Variants in TSPAN9 observed in about 807,000 individuals in gnomAD.
TSPAN9 encodes tetraspanin 9.
TSPAN9 carries 16 observed loss-of-function variants against 31.0 expected under a neutral mutation model. That is an observed-to-expected ratio of 0.52 (90% CI 0.35 to 0.78). The LOEUF (loss-of-function observed/expected upper bound fraction) is 0.78. Ranked by LOEUF, TSPAN9 falls within the 30% of genes least tolerant of loss-of-function variation. TSPAN9 has a pLI of 0.01. For synonymous variants in TSPAN9, 145 were observed against 121.6 expected (o/e 1.19, Z -1.27); for missense variants, 272 against 312.5 (o/e 0.87, Z 0.98).
intron 3 of TSPAN9, among the ~76,000 whole-genome samples, chr12:3,263,847 T>C (rs370784390): frequency 6.6e-6 from 1 of 152,122 alleles, no homozygotes; most frequent in Non-Finnish European, 1.5e-5. Flanking sequence ...CAGCTGGGCC[T>C]TGATGGCTCT....
At chr12:3,198,473 C>T (rs1219381539) in intron 2 of TSPAN9, among the ~76,000 whole-genome samples, 9 of 108,214 alleles carry the variant, frequency 8.3e-5, no homozygotes, top group South Asian at 2.9e-4. Flanking sequence ...CCAGCACAGG[C>T]CACCACCAGC....
intron 3 of TSPAN9, among the ~76,000 whole-genome samples, chr12:3,232,480 C>T (rs956246103): frequency 1.3e-5 from 2 of 152,214 alleles, no homozygotes; most frequent in Non-Finnish European, 2.9e-5. Context: ...TTTCCGTCTC[C>T]TGCCTTCTGC....
intron 2 of TSPAN9, among the ~76,000 whole-genome samples, chr12:3,095,835 G>A (rs2098308279): frequency 1.4e-5 from 2 of 145,568 alleles, no homozygotes; most frequent in South Asian, 2.3e-4. Flanking sequence ...GGGCGGAGAC[G>A]CTCCTCACTT....
intron 2 of TSPAN9, among the ~76,000 whole-genome samples, chr12:3,169,877 A>AG (rs1488316500): frequency 6.6e-6 from 1 of 152,138 alleles, no homozygotes. Context: ...AGAAGCTTAG[A>AG]GGTGTATGCA....
At chr12:3,139,349 T>G (rs930362441) in intron 2 of TSPAN9, among the ~76,000 whole-genome samples, 1 of 152,102 alleles carries the variant, frequency 6.6e-6, no homozygotes, top group Non-Finnish European at 1.5e-5. Flanking sequence ...CCCTTTTCTG[T>G]TCACACCTCC....
chr12:3,207,915 T>A (rs1364638428), intron 3 of TSPAN9, among the ~76,000 whole-genome samples: 2 of 152,244 alleles, frequency 1.3e-5, no homozygotes, highest in East Asian at 3.9e-4. Flanking sequence ...AAGCCCCTCC[T>A]GAGTGGGCGC....
intron 2 of TSPAN9, among the ~76,000 whole-genome samples, chr12:3,158,868 A>C (rs11062540): frequency 0.028 from 4,324 of 151,848 alleles, 217 homozygotes; most frequent in African/African-American, 0.099. Flanking sequence ...GGAATTAGGC[A>C]CAGTCTTCGC....
rs1332027887 is a variant in TSPAN9, at chr12:3,284,990, G to A, written c.*1874G>A. ...CAGGATTCGTGTTTTGTGGGGGTGG[G>A]AGTGGAGAGTAGGGTGGTCTTGTGA... is the stretch of plus-strand genomic sequence containing the variant. On this transcript the variant is annotated 3_prime_UTR_variant, in exon 9 of 9. Transcript: ENST00000011898. The A allele has an allele frequency of 6.6e-6, 1 of 152,292 alleles. No homozygotes were observed. 9.4% of individuals were successfully genotyped at this position (152,292 alleles called of 1,614,324 possible). A position where few individuals can be genotyped will look rare whatever the true frequency, so the allele number is the denominator to read the frequency against.
chr12:3,254,880 C>T (rs560003151), intron 3 of TSPAN9, among the ~76,000 whole-genome samples: 22 of 152,270 alleles, frequency 1.4e-4, no homozygotes, highest in African/African-American at 4.8e-4. Flanking sequence ...TTTCTGTCTA[C>T]GGTTTGTGAC....
intron 2 of TSPAN9, among the ~76,000 whole-genome samples, chr12:3,180,559 C>T (rs2098358149): frequency 6.6e-6 from 1 of 152,122 alleles, no homozygotes; most frequent in Admixed American, 6.5e-5. Context: ...GTTTGAAAAG[C>T]ATGGATTGAG....
intron 2 of TSPAN9, among the ~76,000 whole-genome samples, chr12:3,138,649 C>CCT (rs1276657853): frequency 8.4e-4 from 27 of 32,100 alleles, no homozygotes; most frequent in East Asian, 6.2e-3. Context: ...AAAAAAAGGA[C>CCT]TTTTTTTTCC....
chr12:3,131,349 C>T (rs1289892941), intron 2 of TSPAN9, among the ~76,000 whole-genome samples: 3 of 152,206 alleles, frequency 2.0e-5, no homozygotes, highest in Non-Finnish European at 4.4e-5. Context: ...CTGCGGCCCA[C>T]GTTCTCTGCG....
intron 2 of TSPAN9, among the ~76,000 whole-genome samples, chr12:3,158,417 G>A (rs972273868): frequency 1.3e-4 from 20 of 152,126 alleles, no homozygotes; most frequent in African/African-American, 3.1e-4. Flanking sequence ...TTGTGCTGCC[G>A]TCCTCCACTG....
chr12:3,084,684 G>A (rs1246555379), intron 2 of TSPAN9, among the ~76,000 whole-genome samples: 1 of 152,222 alleles, frequency 6.6e-6, no homozygotes, highest in African/African-American at 2.4e-5. Context: ...AACTTAATCA[G>A]ATGAAGTTAT....
chr12:3,245,019 G>C lies in TSPAN9; in HGVS notation c.64-33402G>C, dbSNP rs142179354. On this transcript the variant is annotated intron_variant, in intron 3 of 8. Coordinates refer to ENST00000011898, the MANE Select transcript of TSPAN9 (RefSeq NM_006675.5). The stretch of plus-strand genomic sequence containing the variant: ...GCATCCCGGTCTTTCCAAGGACTCT[G>C]TAGCAGCCCAGCCTATCTAGGTGCT... Among the ~76,000 whole-genome samples the C allele has an allele frequency of 9.7e-4, 148 of 152,330 alleles. 2 individuals are homozygous for C. In the East Asian group the frequency reaches 0.026, roughly 27 times the overall value.
chr12:3,094,538 G>T (rs112963642), intron 2 of TSPAN9, among the ~76,000 whole-genome samples: 2,517 of 142,540 alleles, frequency 0.018, 80 homozygotes, highest in African/African-American at 0.059. Context: ...TGTTGTTGTT[G>T]TTTTTTTTTT....
intron 2 of TSPAN9, among the ~76,000 whole-genome samples, chr12:3,163,059 T>C (rs1324038332): frequency 6.6e-6 from 1 of 152,158 alleles, no homozygotes; most frequent in Non-Finnish European, 1.5e-5. Context: ...TCCCCTTCCA[T>C]GGTCCCTGGC....
chr12:3,218,061 G>A (rs2098382274), intron 3 of TSPAN9, among the ~76,000 whole-genome samples: 1 of 152,154 alleles, frequency 6.6e-6, no homozygotes, highest in Non-Finnish European at 1.5e-5. Flanking sequence ...GATACCCTCT[G>A]GGGTGGCATA....
chr12:3,134,379 C>G (rs894607437), intron 2 of TSPAN9, among the ~76,000 whole-genome samples: 1 of 152,066 alleles, frequency 6.6e-6, no homozygotes, highest in African/African-American at 2.4e-5. Context: ...GAAAGGGACC[C>G]GAGATGATCA....
Sources: allele counts gnomAD v4.1 joint callset (sites outside exome capture counted in the v4.1 genomes callset), GRCh38; gene constraint gnomAD v4.1.1; transcripts MANE v1.5; gene names NCBI Gene and HGNC (gene_info 2026-07-23, HGNC 2026-07-21).